Variants in GDAP1L1 observed in about 807,000 individuals in gnomAD.
GDAP1L1 encodes ganglioside induced differentiation associated protein 1 like 1.
GDAP1L1 carries 21 observed loss-of-function variants against 37.1 expected under a neutral mutation model. The ratio of observed to expected loss-of-function variants is 0.57; its 90% confidence interval spans 0.40 to 0.81. The LOEUF (loss-of-function observed/expected upper bound fraction) is 0.81. GDAP1L1 is among the 40% of genes least tolerant of loss of function. GDAP1L1 has a pLI of 0.00. For missense variants in GDAP1L1, 362 were observed against 491.6 expected, an observed-to-expected ratio of 0.74 and a Z score of 2.49; for synonymous variants, 193 against 209.1, an observed-to-expected ratio of 0.92 and a Z score of 0.67.
rs1480258808 is a variant in GDAP1L1, at chr20:44,258,611, A to C, written c.547+4A>C. Reference sequence around the variant, plus strand: ...TACGCCACGGCCGAGATCCGCAGTGAGTGCCAGGGCGGCGAGACAGCCCCT... The same window carrying C: ...TACGCCACGGCCGAGATCCGCAGTGCGTGCCAGGGCGGCGAGACAGCCCCT... On this transcript the variant is annotated splice_donor_region_variant and intron_variant, in intron 3 of 5. Coordinates refer to ENST00000342560, the MANE Select transcript of GDAP1L1 (RefSeq NM_024034.6). 6.3e-7 allele frequency: 1 copy of C among 1,594,632 alleles called. No individual in the cohort carries two copies. Among genetic ancestry groups the C allele is most frequent in the Non-Finnish European group, 8.5e-7 (1 of 1,170,448 alleles).
intron 5 of GDAP1L1, among the ~76,000 whole-genome samples, chr20:44,270,921 C>T (rs1010750868): frequency 1.4e-4 from 22 of 152,144 alleles, no homozygotes; most frequent in Middle Eastern, 3.2e-3. Context: ...AATTGGGCTC[C>T]GCTGAAGGGA....
At chr20:44,251,516 C>T (rs983187280) in intron 1 of GDAP1L1, among the ~76,000 whole-genome samples, 3 of 152,220 alleles carry the variant, frequency 2.0e-5, no homozygotes, top group Non-Finnish European at 2.9e-5. Flanking sequence ...CCCACCCTGC[C>T]CTTGCCTTTC....
rs1428922669 is a variant in GDAP1L1, at chr20:44,258,656, C to T, written c.547+49C>T. On this transcript the variant is annotated intron_variant, in intron 3 of 5. Transcript: ENST00000342560. Reference sequence around the variant, plus strand: ...GCCCCTCTGCTTTCCCCCTTTGCGCCGCTCCTTTCTTCCAAAGGATGTCCT... The same window carrying T: ...GCCCCTCTGCTTTCCCCCTTTGCGCTGCTCCTTTCTTCCAAAGGATGTCCT... 9.3e-6 allele frequency: 13 copies of T among 1,395,014 alleles called. 1 individual carries two copies. Among genetic ancestry groups the T allele is most frequent in the African/African-American group, 2.8e-5 (2 of 70,456 alleles). 86.4% of individuals were successfully genotyped at this position (1,395,014 alleles called of 1,614,324 possible).
At chr20:44,266,600 A>G (rs2073765595) in intron 5 of GDAP1L1, among the ~76,000 whole-genome samples, 1 of 152,080 alleles carries the variant, frequency 6.6e-6, no homozygotes. Context: ...GAGGCTAGAC[A>G]TCTCAGATCA....
chr20:44,258,179 C>T (rs1426929684), intron 2 of GDAP1L1: 2 of 717,530 alleles, frequency 2.8e-6, no homozygotes, highest in African/African-American at 3.5e-5. Flanking sequence ...TCCCGCAACA[C>T]TGGGTCTAGG....
rs561072996 is a variant in GDAP1L1, at chr20:44,278,764, A to G, written c.761-193A>G. Among the ~76,000 whole-genome samples the G allele has an allele frequency of 4.6e-5, 7 of 152,348 alleles. No homozygotes were observed. In the East Asian group the frequency reaches 1.4e-3, roughly 29 times the overall value. ...CAAAAGAATAAAAAAAAAGAAAAAC[A>G]GTCGATTTAAACAAAAAAATAATAA... On this transcript the variant is annotated intron_variant, in intron 5 of 5. Coordinates refer to ENST00000342560, the MANE Select transcript of GDAP1L1 (RefSeq NM_024034.6).
At chr20:44,251,573 G>A (rs1372671021) in intron 1 of GDAP1L1, among the ~76,000 whole-genome samples, 3 of 152,298 alleles carry the variant, frequency 2.0e-5, no homozygotes, top group Non-Finnish European at 4.4e-5. Context: ...GCACTTGACC[G>A]TGTACCGCCT....
chr20:44,253,212 G>A (rs889496744), intron 1 of GDAP1L1, among the ~76,000 whole-genome samples: 2 of 151,970 alleles, frequency 1.3e-5, no homozygotes, highest in African/African-American at 4.8e-5. Context: ...CTGCCCCCAC[G>A]GACATGTCAG....
intron 1 of GDAP1L1, among the ~76,000 whole-genome samples, chr20:44,247,979 A>AG (rs2073365853): frequency 6.6e-6 from 1 of 151,968 alleles, no homozygotes; most frequent in Non-Finnish European, 1.5e-5. Context: ...GCAGGCCCCC[A>AG]GGTCACAGCT....
chr20:44,267,982 G>A (rs1232836056), intron 5 of GDAP1L1, among the ~76,000 whole-genome samples: 1 of 152,242 alleles, frequency 6.6e-6, no homozygotes, highest in East Asian at 1.9e-4. Context: ...TGGGGCTGGG[G>A]GAGGTAGCAG....
At chr20:44,262,410 C>T (rs2073688883) in intron 3 of GDAP1L1, among the ~76,000 whole-genome samples, 1 of 152,016 alleles carries the variant, frequency 6.6e-6, no homozygotes, top group African/African-American at 2.4e-5. Context: ...AGGAATCTGG[C>T]TGGGCTTTGT....
chr20:44,274,948 G>A (rs77704842), intron 5 of GDAP1L1, among the ~76,000 whole-genome samples: 2,156 of 152,150 alleles, frequency 0.014, 51 homozygotes, highest in African/African-American at 0.05. Flanking sequence ...GCTGGAGTGC[G>A]GTGGTGTGAA....
At position 44,258,589 on chromosome 20, in the gene GDAP1L1, G is replaced by C. The variant is rs1172650058; in HGVS notation, c.529G>C (p.Ala177Pro). Residue 177 changes from alanine to proline, a missense_variant, in exon 3 of 6, where the codon GCC (alanine) becomes CCC (proline). Coordinates refer to ENST00000342560, the MANE Select transcript of GDAP1L1 (RefSeq NM_024034.6). Reference protein sequence around the residue: ...LTTDSMIPKYATAEIRRHLAN... With the variant: ...LTTDSMIPKYPTAEIRRHLAN... Reference sequence around the variant, plus strand: ...CACCGACTCCATGATCCCCAAGTACGCCACGGCCGAGATCCGCAGTGAGTG... The same window carrying C: ...CACCGACTCCATGATCCCCAAGTACCCCACGGCCGAGATCCGCAGTGAGTG... 6.2e-7 allele frequency: 1 copy of C among 1,601,046 alleles called. No homozygotes were observed. Among genetic ancestry groups the C allele is most frequent in the Non-Finnish European group, 8.5e-7 (1 of 1,174,670 alleles).
chr20:44,260,484 C>T (rs1481115888), intron 3 of GDAP1L1, among the ~76,000 whole-genome samples: 1 of 152,108 alleles, frequency 6.6e-6, no homozygotes, highest in African/African-American at 2.4e-5. Context: ...ATTCTTCAAT[C>T]TTGTTTGAAT....
Position 44,258,260 on chromosome 20 carries a change from G to C in GDAP1L1, c.374-174G>C, listed in dbSNP as rs565803114. The stretch of plus-strand genomic sequence containing the variant: ...GGGACAGCTTGGCAGAGCCCAGTGA[G>C]GAGAGATGGCCGGGCCACCACTAGA... On this transcript the variant is annotated intron_variant, in intron 2 of 5. Transcript: ENST00000342560. The C allele has an allele frequency of 6.1e-5, 45 of 736,310 alleles. 1 individual carries two copies. The highest frequency in any genetic ancestry group is 5.7e-4 in the African/African-American group (33 of 57,776). 45.6% of individuals were successfully genotyped at this position (736,310 alleles called of 1,614,324 possible).
At chr20:44,263,453 C>T in intron 4 of GDAP1L1, 126 bp downstream of exon 4, 1 of 724,904 alleles carries the variant, frequency 1.4e-6, no homozygotes, top group Non-Finnish European at 2.4e-6. Context: ...CTTGCTTTTC[C>T]AATCCTGTCC....
chr20:44,275,025 T>C (rs2062558644), intron 5 of GDAP1L1, among the ~76,000 whole-genome samples: 1 of 152,148 alleles, frequency 6.6e-6, no homozygotes, highest in Non-Finnish European at 1.5e-5. Flanking sequence ...CCCTAGTAGC[T>C]GGGACCACAG....
At chr20:44,271,529 G>A (rs1164257276) in intron 5 of GDAP1L1, among the ~76,000 whole-genome samples, 1 of 152,154 alleles carries the variant, frequency 6.6e-6, no homozygotes, top group Admixed American at 6.6e-5. Flanking sequence ...TGCAACCTGG[G>A]GCAAAAGTCA....
intron 1 of GDAP1L1, among the ~76,000 whole-genome samples, chr20:44,250,646 G>A (rs1043518073): frequency 6.6e-6 from 1 of 152,198 alleles, no homozygotes; most frequent in Non-Finnish European, 1.5e-5. Flanking sequence ...CACACACTTA[G>A]CACAATGCCT....
Sources: gnomAD v4.1 joint callset for allele counts (sites outside exome capture counted in the v4.1 genomes callset) on GRCh38, gnomAD v4.1.1 for gene constraint, MANE v1.5 for transcripts, NCBI Gene and HGNC (gene_info 2026-07-23, HGNC 2026-07-21) for gene names.